Variants in BIRC6 observed in about 807,000 individuals in gnomAD.
The protein encoded by BIRC6 is dual E2 ubiquitin-conjugating enzyme/E3 ubiquitin-protein ligase BIRC6.
Under a neutral mutation model 503.3 loss-of-function variants are expected in BIRC6, and 98 were observed. That is an observed-to-expected ratio of 0.19 (90% CI 0.17 to 0.23). The LOEUF (loss-of-function observed/expected upper bound fraction) is 0.23. Ranked by LOEUF, BIRC6 falls within the 10% of genes least tolerant of loss-of-function variation. The pLI, the probability that BIRC6 is intolerant of heterozygous loss-of-function variation, is 1.00. For synonymous variants in BIRC6, 2,240 were observed against 2,078.7 expected, an observed-to-expected ratio of 1.08 and a Z score of -2.11; for missense variants, 5,360 against 5,806.0, an observed-to-expected ratio of 0.92 and a Z score of 2.50.
intron 11 of BIRC6, among the ~76,000 whole-genome samples, chr2:32,429,764 A>G (rs2043895550): frequency 6.6e-6 from 1 of 152,162 alleles, no homozygotes; most frequent in South Asian, 2.1e-4. Flanking sequence ...TTTTGCTAGC[A>G]TGCTACTCCC....
chr2:32,401,087 C>T lies in BIRC6; in HGVS notation c.1035-76C>T, dbSNP rs148315331. 414 of 1,237,614 alleles carry T rather than the reference C, an allele frequency of 3.3e-4. No homozygotes were observed. The African/African-American group carries it at 3.7e-3, about 11-fold the overall frequency. The allele number at this position is 1,237,614 out of a possible 1,614,324, so 76.7% of individuals were successfully genotyped here. ...AGTTCAGTTAAAAAAAGATGATGATCCTGGAGTTCTGTTTTAATGTACAAA... is the reference window on the plus strand; with the variant it reads ...AGTTCAGTTAAAAAAAGATGATGATTCTGGAGTTCTGTTTTAATGTACAAA... On this transcript the variant is annotated intron_variant, in intron 6 of 73. Transcript: ENST00000421745.
At chr2:32,411,239 A>G (rs1256545727) in intron 9 of BIRC6, among the ~76,000 whole-genome samples, 1 of 147,728 alleles carries the variant, frequency 6.8e-6, no homozygotes, top group Non-Finnish European at 1.5e-5. Flanking sequence ...GAGTTTCACC[A>G]TGTTGACCAG....
intron 10 of BIRC6, among the ~76,000 whole-genome samples, chr2:32,422,703 A>G (rs1459854418): frequency 1.3e-5 from 2 of 152,150 alleles, no homozygotes; most frequent in African/African-American, 4.8e-5. Context: ...AATGATACCA[A>G]ACTCTAACTA....
intron 59 of BIRC6, chr2:32,527,040 C>T (rs541859508): frequency 6.6e-6 from 1 of 152,208 alleles, no homozygotes; most frequent in East Asian, 1.9e-4. Flanking sequence ...ACAGCCCCTC[C>T]AGGAATTAAG....
intron 11 of BIRC6, 78 bp from the exon 12 acceptor site, chr2:32,430,787 A>T: frequency 1.2e-3 from 1,227 of 991,604 alleles, no homozygotes; most frequent in Non-Finnish European, 1.7e-3. Flanking sequence ...ATGAATTAAA[A>T]CTTCACTTCA....
At position 32,487,751 on chromosome 2, in the gene BIRC6, A is replaced by C. The variant is rs1340185815; in HGVS notation, c.7918A>C (p.Asn2640His). The C allele has an allele frequency of 6.2e-7, 1 of 1,613,610 alleles. No homozygotes were observed. The highest frequency in any genetic ancestry group is 8.5e-7 in the Non-Finnish European group (1 of 1,179,630). ...ACAGTTATCATCTGTCCCAATGTTA[A>C]ATGTTTGTTTCAACAAACTTTTTTC... ...IIQLSSVPML[N>H]VCFNKLFSML... The change falls in exon 41 of 74, where the codon AAT becomes CAT. Residue 2640 changes from asparagine (N) to histidine (H), a missense_variant. Physicochemically the swap from Asn to His is moderately conservative, Grantham distance 68. Transcript: ENST00000421745.
In BIRC6 at chr2:32,515,273, C is replaced by G; in HGVS notation, c.10852C>G (p.Gln3618Glu). 1 of 1,613,892 alleles carries G rather than the reference C, an allele frequency of 6.2e-7. No individual in the cohort carries two copies. The highest frequency in any genetic ancestry group is 8.5e-7 in the Non-Finnish European group (1 of 1,179,890). ...TTTGGCTACCCTTGCTTCCTCTTCT[C>G]AATCTCCTGAAGCTATTAAACAATT... ...SHLATLASSSQSPEAIKQLLD... is the reference protein window; with the variant it reads ...SHLATLASSSESPEAIKQLLD... The change falls in exon 55 of 74, where the codon CAA becomes GAA. Residue 3618 changes from glutamine to glutamate, a missense_variant. By Grantham distance (29) the Gln-to-Glu change is conservative. Transcript: ENST00000421745.
chr2:32,576,048 A>G (rs945746756), intron 66 of BIRC6, among the ~76,000 whole-genome samples: 1 of 152,222 alleles, frequency 6.6e-6, no homozygotes, highest in Non-Finnish European at 1.5e-5. Context: ...AATACTTCAA[A>G]TTCACCTTTG....
At chr2:32,607,147 T>A (rs2062523512) in intron 71 of BIRC6, among the ~76,000 whole-genome samples, 1 of 151,102 alleles carries the variant, frequency 6.6e-6, no homozygotes, top group South Asian at 2.1e-4. Context: ...GAAATTTTTT[T>A]AGCATTTTTT....
chr2:32,485,110 C>G (rs186578906), intron 39 of BIRC6, among the ~76,000 whole-genome samples: 4 of 152,308 alleles, frequency 2.6e-5, no homozygotes, highest in Non-Finnish European at 5.9e-5. Flanking sequence ...ATGTGGTTAA[C>G]AAACCATGAT....
chr2:32,375,147 G>A (rs1355695360), intron 1 of BIRC6, among the ~76,000 whole-genome samples: 3 of 152,172 alleles, frequency 2.0e-5, no homozygotes, highest in Admixed American at 2.0e-4. Flanking sequence ...AGATTAATCA[G>A]TGCTCGTATA....
intron 22 of BIRC6, among the ~76,000 whole-genome samples, chr2:32,451,374 G>A (rs1005948512): frequency 2.6e-5 from 4 of 152,086 alleles, no homozygotes; most frequent in Admixed American, 2.6e-4. Flanking sequence ...TCATTAAGGG[G>A]ATCTATATGG....
Position 32,518,210 on chromosome 2 carries a change from A to C in BIRC6, c.11350-44A>C, listed in dbSNP as rs781202904. On this transcript the variant is annotated intron_variant, in intron 55 of 73. Coordinates refer to ENST00000421745, the MANE Select transcript of BIRC6 (RefSeq NM_016252.4). Reference sequence around the variant, plus strand: ...TTTATCTTTCAAAATAAAAAGCTGCATATAAATCTTGCATTTAACTTTTTA... The same window carrying C: ...TTTATCTTTCAAAATAAAAAGCTGCCTATAAATCTTGCATTTAACTTTTTA... 18 of 1,546,812 alleles carry C rather than the reference A, an allele frequency of 1.2e-5. No individual in the cohort carries two copies. In the East Asian group the frequency reaches 3.8e-4, roughly 33 times the overall value.
Position 32,558,195 on chromosome 2 carries a change from G to A in BIRC6, c.13144+8714G>A, listed in dbSNP as rs76706827. On this transcript the variant is annotated intron_variant, in intron 65 of 73. Transcript: ENST00000421745. ...TTTTTAACATTTGGGCTGAAGAGCC[G>A]AAAATATAATGAAAATGTAGAAGTT... Among the ~76,000 whole-genome samples the A allele has an allele frequency of 3.8e-3, 572 of 152,200 alleles. 3 individuals carry two copies. Among genetic ancestry groups the A allele is most frequent in the Admixed American group, 0.023 (358 of 15,298 alleles).
At chr2:32,497,964 A>G (rs890779013) in intron 45 of BIRC6, among the ~76,000 whole-genome samples, 6 of 152,038 alleles carry the variant, frequency 3.9e-5, no homozygotes, top group African/African-American at 1.4e-4. Context: ...TATTTATTTC[A>G]TCTATTTTTG....
At chr2:32,401,868 C>T (rs1181905489) in intron 8 of BIRC6, among the ~76,000 whole-genome samples, 1 of 152,090 alleles carries the variant, frequency 6.6e-6, no homozygotes. Flanking sequence ...GAAATAATTG[C>T]CACATTGAAC....
At chr2:32,394,792 T>C (rs902000611) in intron 5 of BIRC6, among the ~76,000 whole-genome samples, 2 of 152,120 alleles carry the variant, frequency 1.3e-5, no homozygotes, top group Non-Finnish European at 2.9e-5. Context: ...ATTGTGCCAT[T>C]GCACTCCAGT....
Position 32,357,209 on chromosome 2 carries a change from G to A in BIRC6, c.48G>A (p.Pro16=), listed in dbSNP as rs778736018. ...GAAPPGTVTE[P]LPSVIVLSAG... ...CACCTCCCGGGACTGTCACTGAGCC[G>A]CTTCCCAGTGTGATTGTGCTGAGCG... Residue 16 remains proline (P), a synonymous_variant, in exon 1 of 74, where the codon CCG becomes CCA. Coordinates refer to ENST00000421745, the MANE Select transcript of BIRC6 (RefSeq NM_016252.4). This position sits in a 1 kb window ranked among gnomAD's most constrained non-coding sequence, Gnocchi z 4.9. 1.3e-6 allele frequency: 2 copies of A among 1,537,500 alleles called. No homozygotes were observed. Among genetic ancestry groups the A allele is most frequent in the South Asian group, 2.4e-5 (2 of 82,888 alleles).
chr2:32,560,155 A>C (rs1212107149), intron 65 of BIRC6, among the ~76,000 whole-genome samples: 2 of 152,278 alleles, frequency 1.3e-5, no homozygotes, highest in Non-Finnish European at 1.5e-5. Flanking sequence ...ATGGTTGTCA[A>C]GAAAAATACA....
Sources: allele counts gnomAD v4.1 joint callset (sites outside exome capture counted in the v4.1 genomes callset), GRCh38; gene constraint gnomAD v4.1.1; non-coding constraint Gnocchi (gnomAD v3.1); transcripts MANE v1.5; gene names NCBI Gene and HGNC (gene_info 2026-07-23, HGNC 2026-07-21).